Variants in TSPAN12 observed in about 807,000 individuals in gnomAD.
TSPAN12 encodes the protein tetraspanin-12.
TSPAN12 carries 19 observed loss-of-function variants against 39.2 expected under a neutral mutation model. The ratio of observed to expected loss-of-function variants is 0.49; its 90% CI spans 0.34 to 0.71. The LOEUF (loss-of-function observed/expected upper bound fraction) is 0.71. Among genes scored for constraint, TSPAN12 ranks in the 30% least tolerant of loss-of-function variants. TSPAN12 has a pLI of 0.01. For synonymous variants in TSPAN12, 119 were observed against 124.8 expected (o/e 0.95, Z 0.31); for missense variants, 314 against 359.9 (o/e 0.87, Z 1.03).
chr7:120,841,947 C>T (rs1794586667), intron 2 of TSPAN12, among the ~76,000 whole-genome samples: 2 of 152,074 alleles, frequency 1.3e-5, no homozygotes, highest in African/African-American at 4.8e-5. Context: ...TATTATTAAC[C>T]CCTAAGTTCT....
chr7:120,806,016 A>G (rs1203020522), intron 7 of TSPAN12, among the ~76,000 whole-genome samples: 1 of 152,070 alleles, frequency 6.6e-6, no homozygotes, highest in African/African-American at 2.4e-5. Context: ...CCACATGAGG[A>G]TTGACTTTAC....
intron 2 of TSPAN12, among the ~76,000 whole-genome samples, chr7:120,855,428 G>A (rs1794852681): frequency 1.3e-5 from 2 of 152,114 alleles, no homozygotes; most frequent in Admixed American, 1.3e-4. Context: ...CTAGTAAACA[G>A]GAGTGATAAT....
chr7:120,795,118 C>T (rs1337986867), intron 7 of TSPAN12, among the ~76,000 whole-genome samples: 8 of 152,154 alleles, frequency 5.3e-5, no homozygotes, highest in Non-Finnish European at 4.4e-5. Context: ...TTCAAAACTG[C>T]ATTTCATTTC....
At chr7:120,825,725 A>T (rs1245276213) in intron 4 of TSPAN12, among the ~76,000 whole-genome samples, 1 of 152,234 alleles carries the variant, frequency 6.6e-6, no homozygotes, top group Non-Finnish European at 1.5e-5. Context: ...AAATATTTGT[A>T]CAAGATAATG....
chr7:120,811,616 G>C (rs539707323), intron 5 of TSPAN12, among the ~76,000 whole-genome samples: 1 of 150,618 alleles, frequency 6.6e-6, no homozygotes, highest in Non-Finnish European at 1.5e-5. Context: ...GTTGCAGTGA[G>C]CCGAGATCAC....
At chr7:120,841,768 G>A (rs1794583508) in intron 2 of TSPAN12, among the ~76,000 whole-genome samples, 1 of 152,120 alleles carries the variant, frequency 6.6e-6, no homozygotes, top group South Asian at 2.1e-4. Context: ...AATTAACCAT[G>A]ACCGGTAGAA....
In TSPAN12 at chr7:120,818,027, A is replaced by G. The variant is rs556203940; in HGVS notation, c.286-2224T>C. ...GGGTGATCAGGGAAGGTCTTTTGAT[A>G]AAGGTGATCTTTAAAATGAGTCAGC... On this transcript the variant is annotated intron_variant, in intron 4 of 7. Transcript: ENST00000222747. 4.6e-5 allele frequency among the ~76,000 whole-genome samples: 7 copies of G among 152,256 alleles called. No individual in the cohort carries two copies. The East Asian group carries it at 1.4e-3, about 29-fold the overall frequency.
At chr7:120,799,438 T>C (rs934228837) in intron 7 of TSPAN12, among the ~76,000 whole-genome samples, 3 of 138,284 alleles carry the variant, frequency 2.2e-5, no homozygotes, top group Admixed American at 7.8e-5. Context: ...TATTTATATA[T>C]AATTTAATTT....
intron 7 of TSPAN12, among the ~76,000 whole-genome samples, chr7:120,802,591 C>G (rs746601461): frequency 2.0e-5 from 3 of 152,110 alleles, no homozygotes; most frequent in African/African-American, 4.8e-5. Flanking sequence ...GCAACACTCT[C>G]TACTATATCC....
intron 4 of TSPAN12, among the ~76,000 whole-genome samples, chr7:120,824,915 C>T (rs1233821062): frequency 6.6e-6 from 1 of 152,128 alleles, no homozygotes; most frequent in African/African-American, 2.4e-5. Context: ...TTACTAAGAG[C>T]ATGTTTAGAG....
intron 4 of TSPAN12, among the ~76,000 whole-genome samples, chr7:120,819,221 T>G (rs1794141657): frequency 6.6e-6 from 1 of 152,148 alleles, no homozygotes; most frequent in South Asian, 2.1e-4. Context: ...ATGATGATTA[T>G]AAAGAAAACA....
In TSPAN12 at chr7:120,833,312, A is replaced by C. The variant is rs531588294; in HGVS notation, c.285+5465T>G. On this transcript the variant is annotated intron_variant, in intron 4 of 7. Coordinates refer to ENST00000222747, the MANE Select transcript of TSPAN12 (RefSeq NM_012338.4). ...CTATATAATCATAAAATTCATGACT[A>C]TGTAAGAGAAGGCCTTAAACAGAGA... Among the ~76,000 whole-genome samples, 4 of 152,202 alleles carry C rather than the reference A, an allele frequency of 2.6e-5. No individual in the cohort carries two copies. In the East Asian group the frequency reaches 7.7e-4, roughly 29 times the overall value.
chr7:120,825,038 C>T (rs961502706), intron 4 of TSPAN12, among the ~76,000 whole-genome samples: 4 of 152,130 alleles, frequency 2.6e-5, no homozygotes, highest in Admixed American at 2.0e-4. Flanking sequence ...GTATCTACCT[C>T]ACCACAAATA....
chr7:120,792,363 A>T (rs1793544488), intron 7 of TSPAN12, among the ~76,000 whole-genome samples: 2 of 152,218 alleles, frequency 1.3e-5, no homozygotes, highest in Non-Finnish European at 2.9e-5. Context: ...CCTCCCCAGG[A>T]GGTTACCAAC....
At chr7:120,805,010 G>C (rs1793842917) in intron 7 of TSPAN12, among the ~76,000 whole-genome samples, 1 of 152,056 alleles carries the variant, frequency 6.6e-6, no homozygotes, top group Non-Finnish European at 1.5e-5. Context: ...CTTGGAGTTA[G>C]CCTCCAGAAC....
Position 120,824,839 on chromosome 7 carries a change from C to T in TSPAN12, c.286-9036G>A, listed in dbSNP as rs146102032. On this transcript the variant is annotated intron_variant, in intron 4 of 7. Coordinates refer to ENST00000222747, the MANE Select transcript of TSPAN12 (RefSeq NM_012338.4). ...ACAAAGTCAATCAATTTATTGAGTG[C>T]CTATATTTTGGAAAGTATTAAACTT... Among the ~76,000 whole-genome samples the T allele has an allele frequency of 9.7e-4, 147 of 152,130 alleles. 1 individual carries two copies. Among genetic ancestry groups the T allele is most frequent in the African/African-American group, 3.5e-3 (144 of 41,498 alleles).
At chr7:120,852,021 A>G (rs1794778005) in intron 2 of TSPAN12, among the ~76,000 whole-genome samples, 1 of 152,154 alleles carries the variant, frequency 6.6e-6, no homozygotes, top group Non-Finnish European at 1.5e-5. Flanking sequence ...TTCTTCTTAG[A>G]CGCATTTATA....
chr7:120,832,253 G>C (rs1584944898), intron 4 of TSPAN12, among the ~76,000 whole-genome samples: 1 of 151,936 alleles, frequency 6.6e-6, no homozygotes, highest in Non-Finnish European at 1.5e-5. Context: ...GCTTTCTATT[G>C]TCTCCCGCTT....
intron 7 of TSPAN12, among the ~76,000 whole-genome samples, chr7:120,792,745 G>T (rs555431918): frequency 6.6e-6 from 1 of 152,288 alleles, no homozygotes; most frequent in South Asian, 2.1e-4. Flanking sequence ...AAATGCCATC[G>T]AACCGACAAA....
Sources: gnomAD v4.1 joint callset for allele counts (sites outside exome capture counted in the v4.1 genomes callset) on GRCh38, gnomAD v4.1.1 for gene constraint, MANE v1.5 for transcripts, NCBI Gene and HGNC (gene_info 2026-07-23, HGNC 2026-07-21) for gene names.